The following DPH6 variants were observed in gnomAD, a reference collection of about 807,000 sequenced individuals.
The protein encoded by DPH6 is diphthamine biosynthesis 6.
Under a neutral mutation model 38.2 loss-of-function variants are expected in DPH6, and 33 were observed. The observed-to-expected ratio is 0.86, with a 90% CI of 0.65 to 1.15. DPH6 has a LOEUF of 1.15. Among genes scored for constraint, DPH6 ranks in the 50% most tolerant of loss-of-function variants. DPH6 has a pLI of 0.00. For missense variants in DPH6, 325 were observed against 320.0 expected, an observed-to-expected ratio of 1.02 and a Z score of -0.12; for synonymous variants, 108 against 103.0, an observed-to-expected ratio of 1.05 and a Z score of -0.30.
At chr15:35,246,408 C>T (rs2051638316) in intron 3 of DPH6, among the ~76,000 whole-genome samples, 1 of 152,182 alleles carries the variant, frequency 6.6e-6, no homozygotes, top group South Asian at 2.1e-4. Flanking sequence ...GAGGATGACA[C>T]ATCCAAATGA....
chr15:35,512,657 T>C (rs1213259851), intron 3 of DPH6, among the ~76,000 whole-genome samples: 1 of 152,082 alleles, frequency 6.6e-6, no homozygotes, highest in Non-Finnish European at 1.5e-5. Context: ...GGCAGAATGC[T>C]GTTCCCACCT....
At chr15:35,502,141 T>C (rs1441111107) in intron 3 of DPH6, among the ~76,000 whole-genome samples, 4 of 152,112 alleles carry the variant, frequency 2.6e-5, no homozygotes, top group African/African-American at 9.7e-5. Flanking sequence ...ATTCTGGACT[T>C]CTCTATATTT....
the DPH6 span, among the ~76,000 whole-genome samples, chr15:35,162,857 G>A: frequency 1.3e-5 from 2 of 151,784 alleles, no homozygotes; most frequent in Non-Finnish European, 2.9e-5. Context: ...TAAATTTTAA[G>A]GTCTAAAATC....
In DPH6 at chr15:35,450,703, T is replaced by G. The variant is rs2053921061; in HGVS notation, c.487A>C (p.Ile163Leu). 1 of 1,612,958 alleles carries G rather than the reference T, an allele frequency of 6.2e-7. No homozygotes were observed. The highest frequency in any genetic ancestry group is 1.1e-5 in the South Asian group (1 of 90,896). The change falls in exon 5 of 9, where the codon ATC (isoleucine) becomes CTC (leucine). Residue 163 changes from isoleucine to leucine, a missense_variant. Ile to Leu is a conservative substitution (Grantham distance 5). Transcript: ENST00000256538. ...MISSNIQAMI[I>L]KVAALGLDPD... ...TGCATACCCAAAGCTGCTACTTTGA[T>G]GATCATTGCTTGAATGTTAGATGAT...
chr15:35,372,192 C>T lies in DPH6; in HGVS notation c.762G>A (p.Val254=). 6.7e-7 allele frequency: 1 copy of T among 1,494,456 alleles called. No homozygotes were observed. The highest frequency in any genetic ancestry group is 8.9e-7 in the Non-Finnish European group (1 of 1,128,700). The allele number at this position is 1,494,456 out of a possible 1,614,324, so 92.6% of individuals were successfully genotyped here. Residue 254 remains valine, a synonymous_variant, in exon 9 of 9, where the codon GTG becomes GTA. Transcript: ENST00000256538. The part of the protein sequence containing the change: ...ELHLEDKVSS[V]PDNYRTSNYI... ...AATTAGATGTTCTGTAGTTGTCAGGCACTGAGGACACCTAAAAAAAAAAGG... is the reference window on the plus strand; with the variant it reads ...AATTAGATGTTCTGTAGTTGTCAGGTACTGAGGACACCTAAAAAAAAAAGG...
In DPH6 at chr15:35,432,693, T is replaced by C. The variant is rs531335820; in HGVS notation, c.505+17992A>G. On this transcript the variant is annotated intron_variant, in intron 5 of 8. Coordinates refer to ENST00000256538, the MANE Select transcript of DPH6 (RefSeq NM_080650.4). ...TTATGTTAACACAAAAGAAAGATAATTGGGGCTGAGAGGAAGAAATGAAAA... is the reference window on the plus strand; with the variant it reads ...TTATGTTAACACAAAAGAAAGATAACTGGGGCTGAGAGGAAGAAATGAAAA... Among the ~76,000 whole-genome samples the C allele has an allele frequency of 4.6e-5, 7 of 152,134 alleles. No individual in the cohort carries two copies. In the South Asian group the frequency reaches 1.3e-3, roughly 28 times the overall value.
At chr15:35,169,862 TA>T in the DPH6 span, among the ~76,000 whole-genome samples, 1 of 152,180 alleles carries the variant, frequency 6.6e-6, no homozygotes, top group Non-Finnish European at 1.5e-5. Flanking sequence ...AATCTGTATT[TA>T]AACAAAAAGA....
rs886587798 is a variant in DPH6 at position 35,420,201 on chromosome 15, C to G, written c.506-9305G>C. On this transcript the variant is annotated intron_variant, in intron 5 of 8. Coordinates refer to ENST00000256538, the MANE Select transcript of DPH6 (RefSeq NM_080650.4). The stretch of plus-strand genomic sequence containing the variant: ...TGAAGGAGCATATGACCCTATCTTA[C>G]TGGGTCAAAGAAGAAATTAAAGGAG... Among the ~76,000 whole-genome samples, 39 of 152,018 alleles carry G rather than the reference C, an allele frequency of 2.6e-4. 1 individual carries two copies. The highest frequency in any genetic ancestry group is 4.7e-4 in the Non-Finnish European group (32 of 68,012).
At chr15:35,184,469 G>A in the DPH6 span, among the ~76,000 whole-genome samples, 1 of 152,066 alleles carries the variant, frequency 6.6e-6, no homozygotes, top group Non-Finnish European at 1.5e-5. Context: ...CCTCCAAGTA[G>A]GGGTTAACTC....
At chr15:35,237,825 T>TGGATGA in intron 3 of DPH6, 1 of 1,545,994 alleles carries the variant, frequency 6.5e-7, no homozygotes, top group Non-Finnish European at 8.9e-7. Flanking sequence ...GTGGAGGGCC[T>TGGATGA]GGAGGAGGAG....
intron 1 of DPH6, among the ~76,000 whole-genome samples, chr15:35,542,917 TATATAATATATATTATTCCACTTAAGGA>T (rs2055277152): frequency 8.4e-6 from 1 of 118,986 alleles, no homozygotes; most frequent in African/African-American, 3.1e-5. Context: ...TTAAGGAATA[TATATAATATATATTATTCCACTTAAGGA>T]ATATATATAT....
intron 5 of DPH6, among the ~76,000 whole-genome samples, chr15:35,428,247 A>C (rs532564821): frequency 1.3e-5 from 2 of 152,188 alleles, no homozygotes; most frequent in Non-Finnish European, 2.9e-5. Flanking sequence ...ATGCTTATCC[A>C]ATAGTATATA....
At chr15:35,392,648 T>C (rs371303729) in intron 6 of DPH6, among the ~76,000 whole-genome samples, 18 of 152,348 alleles carry the variant, frequency 1.2e-4, no homozygotes, top group African/African-American at 4.3e-4. Flanking sequence ...CAGCTTATTG[T>C]CTTGTATAGA....
intron 6 of DPH6, among the ~76,000 whole-genome samples, chr15:35,385,691 C>G (rs1358152525): frequency 1.3e-5 from 2 of 151,976 alleles, no homozygotes; most frequent in Non-Finnish European, 1.5e-5. Context: ...TGCAGCAAAC[C>G]ACCATGGCAT....
At chr15:35,148,757 CT>C in the DPH6 span, among the ~76,000 whole-genome samples, 4 of 152,146 alleles carry the variant, frequency 2.6e-5, no homozygotes, top group Non-Finnish European at 4.4e-5. Context: ...AGAGTAGGGA[CT>C]TTCTTTTTAA....
rs528151797 is a variant in DPH6 at position 35,461,799 on chromosome 15, A to G, written c.313-6979T>C. ...AGGAAGCTATAAAAATTTAGGTTGA[A>G]AAAGAAAAAACAGGGTAATGTTTTT... On this transcript the variant is annotated intron_variant, in intron 3 of 8. Coordinates refer to ENST00000256538, the MANE Select transcript of DPH6 (RefSeq NM_080650.4). 3.3e-5 allele frequency among the ~76,000 whole-genome samples: 5 copies of G among 152,282 alleles called. No individual in the cohort carries two copies. In the East Asian group the frequency reaches 7.7e-4, roughly 24 times the overall value.
At chr15:35,155,590 G>A in the DPH6 span, among the ~76,000 whole-genome samples, 5 of 152,326 alleles carry the variant, frequency 3.3e-5, no homozygotes, top group Admixed American at 3.3e-4. Context: ...TCCAGGCCTT[G>A]CATTGTGCTA....
At chr15:35,147,506 G>A in the DPH6 span, among the ~76,000 whole-genome samples, 8 of 152,180 alleles carry the variant, frequency 5.3e-5, no homozygotes, top group African/African-American at 1.9e-4. Flanking sequence ...TGACAAAGGA[G>A]TCATTCAGAT....
rs377049956 is a variant in DPH6 at position 35,314,873 on chromosome 15, C to T, written n.200+58648G>A. On this transcript the variant is annotated intron_variant and non_coding_transcript_variant, in intron 3 of 3. Coordinates refer to the DPH6 transcript ENST00000560386. ...ATGAAAAGTGGATTTTATACCACAA[C>T]TGGTGATGATCAGCTCAGTGTCTGA... is the stretch of plus-strand genomic sequence containing the variant. Among the ~76,000 whole-genome samples the T allele has an allele frequency of 2.3e-4, 35 of 152,262 alleles. 1 individual carries two copies. The South Asian group carries it at 2.9e-3, about 13-fold the overall frequency.
Sources: gnomAD v4.1 joint callset for allele counts (sites outside exome capture counted in the v4.1 genomes callset) on GRCh38, gnomAD v4.1.1 for gene constraint, MANE v1.5 for transcripts, NCBI Gene and HGNC (gene_info 2026-07-23, HGNC 2026-07-21) for gene names.